Variants in MTCH1 observed in about 807,000 individuals in gnomAD.
MTCH1 encodes the protein mitochondrial carrier homolog 1.
Under a neutral mutation model 49.3 loss-of-function variants are expected in MTCH1, and 23 were observed. That is an observed-to-expected ratio of 0.47 (90% confidence interval 0.34 to 0.66). The LOEUF (loss-of-function observed/expected upper bound fraction) is 0.66. MTCH1 is among the 30% of genes least tolerant of loss of function. The pLI, the probability that MTCH1 is intolerant of heterozygous loss-of-function variation, is 0.01. For missense variants in MTCH1, 397 were observed against 532.1 expected, an observed-to-expected ratio of 0.75 and a Z score of 2.50; for synonymous variants, 229 against 215.2, an observed-to-expected ratio of 1.06 and a Z score of -0.56.
chr6:36,981,580 A>T lies in MTCH1; in HGVS notation c.406+8T>A, dbSNP rs1490844400. On this transcript the variant is annotated splice_region_variant and intron_variant, in intron 2 of 11. Coordinates refer to ENST00000373627, the MANE Select transcript of MTCH1 (RefSeq NM_001271641.2). ...GTGTGGGCTTTCCTGCTTGGGAGGC[A>T]CACTCACCGTAGGTGAAGAAGCTCG... The T allele has an allele frequency of 1.2e-6, 2 of 1,613,380 alleles. No homozygotes were observed. The highest frequency in any genetic ancestry group is 1.7e-5 in the Admixed American group (1 of 59,954).
chr6:36,975,659 C>T lies in MTCH1; in HGVS notation c.760G>A (p.Val254Ile), dbSNP rs183558462. Residue 254 changes from valine to isoleucine, a missense_variant and splice_region_variant, in exon 7 of 12, where the codon GTT becomes ATT. Physicochemically the swap from Val to Ile is conservative, Grantham distance 29. Coordinates refer to ENST00000373627, the MANE Select transcript of MTCH1 (RefSeq NM_001271641.2). ...TATGGGGTGTATAAACTCACGTACA[C>T]GAAGAATCCCAGCAGCCCTTCCTCT... ...FKEEGLLGFF[V>I]GLIPHLLGDV... 1.5e-5 allele frequency: 24 copies of T among 1,614,040 alleles called. No homozygotes were observed. The highest frequency in any genetic ancestry group is 1.1e-5 in the South Asian group (1 of 91,082).
chr6:36,979,283 A>C (rs1583262664), intron 2 of MTCH1, among the ~76,000 whole-genome samples: 1 of 152,320 alleles, frequency 6.6e-6, no homozygotes, highest in East Asian at 1.9e-4. Context: ...ATAAACTTAA[A>C]TGTTATGGAA....
intron 2 of MTCH1, among the ~76,000 whole-genome samples, chr6:36,980,695 TA>T (rs1764054501): frequency 6.6e-6 from 1 of 152,234 alleles, no homozygotes; most frequent in Non-Finnish European, 1.5e-5. Flanking sequence ...GAGAATATTC[TA>T]GACAACCAAA....
At position 36,977,624 on chromosome 6, in the gene MTCH1, G is replaced by A; in HGVS notation, c.649+10C>T. 1 of 1,587,310 alleles carries A rather than the reference G, an allele frequency of 6.3e-7. No individual in the cohort carries two copies. ...TTAGATACAGTCTCGGGGGAAGGGG[G>A]GTGGCTTACCATGCAGGGGGTGGGC... On this transcript the variant is annotated intron_variant, in intron 5 of 11. Transcript: ENST00000373627. The surrounding 1 kb of genome is among the most constrained non-coding windows in gnomAD (Gnocchi z 5.4).
rs117122969 is a variant in MTCH1 at position 36,975,101 on chromosome 6, T to C, written c.761+557A>G. Among the ~76,000 whole-genome samples the C allele has an allele frequency of 5.8e-4, 88 of 152,370 alleles. 2 individuals carry two copies. The East Asian group carries it at 0.013, about 23-fold the overall frequency. ...TGTGCCCTGCCAAAGAAGCAGGTCC[T>C]GGGTCCTGGCCGATGGATGCTCTAC... On this transcript the variant is annotated intron_variant, in intron 7 of 11. Coordinates refer to ENST00000373627, the MANE Select transcript of MTCH1 (RefSeq NM_001271641.2).
At chr6:36,983,239 G>A (rs1428880738) in intron 1 of MTCH1, among the ~76,000 whole-genome samples, 1 of 152,196 alleles carries the variant, frequency 6.6e-6, no homozygotes. Flanking sequence ...CAGGCAGTGA[G>A]TACTTCCCTT....
rs1424567360 is a variant in MTCH1, at chr6:36,982,093, C to T, written c.322-421G>A. 2.6e-5 allele frequency among the ~76,000 whole-genome samples: 4 copies of T among 152,112 alleles called. No individual in the cohort carries two copies. Among genetic ancestry groups the T allele is most frequent in the African/African-American group, 7.2e-5 (3 of 41,412 alleles). ...TTCCAAATGTGGCAATAAGAAAATA[C>T]ATCATACCCAAACCTCAGACAGGTC... On this transcript the variant is annotated intron_variant, in intron 1 of 11. Transcript: ENST00000373627. The surrounding 1 kb of genome is among the most constrained non-coding windows in gnomAD (Gnocchi z 4.1).
chr6:36,969,675 C>T, intron 11 of MTCH1: 2 of 1,202,506 alleles, frequency 1.7e-6, no homozygotes, highest in Non-Finnish European at 2.1e-6. Flanking sequence ...CTCAGCTCAA[C>T]TGGTTACAGA....
intron 2 of MTCH1, among the ~76,000 whole-genome samples, chr6:36,980,386 G>A (rs541833062): frequency 6.6e-6 from 1 of 152,316 alleles, no homozygotes; most frequent in South Asian, 2.1e-4. Flanking sequence ...GTGCAGGGCC[G>A]CAGCCATCTG....
At chr6:36,985,744 C>G in intron 1 of MTCH1, 109 bp downstream of exon 1, 1 of 1,100,548 alleles carries the variant, frequency 9.1e-7, no homozygotes, top group Middle Eastern at 2.1e-4. Context: ...CCGTCCCCAC[C>G]CCTCTCCCCA....
intron 6 of MTCH1, chr6:36,976,672 T>C: frequency 2.2e-6 from 1 of 448,698 alleles, no homozygotes; most frequent in East Asian, 7.0e-5. Flanking sequence ...CCTTCACACA[T>C]GCCTCCAAGA....
intron 1 of MTCH1, among the ~76,000 whole-genome samples, chr6:36,983,261 C>T (rs769602974): frequency 2.6e-5 from 4 of 152,196 alleles, no homozygotes; most frequent in Non-Finnish European, 4.4e-5. Flanking sequence ...TAGACCTTTT[C>T]CCTTCTGGGT....
At chr6:36,969,097 C>T (rs1283420829) in intron 11 of MTCH1, 123 bp from the exon 12 acceptor site, 27 of 1,453,814 alleles carry the variant, frequency 1.9e-5, no homozygotes, top group Admixed American at 2.6e-5. Flanking sequence ...CCGGGGTGGA[C>T]GGCCTCGGCC....
Position 36,978,164 on chromosome 6 carries a change from G to A in MTCH1, c.514-9C>T, listed in dbSNP as rs1428147634. 5 of 1,584,194 alleles carry A rather than the reference G, an allele frequency of 3.2e-6. No homozygotes were observed. The African/African-American group carries it at 6.7e-5, about 21-fold the overall frequency. On this transcript the variant is annotated splice_polypyrimidine_tract_variant and intron_variant, in intron 3 of 11. Transcript: ENST00000373627. ...TCATCTGGAGGGAAAACCTGAAACAGAGAAGGGAAAGAACCAAGTTCAGCT... is the reference window on the plus strand; with the variant it reads ...TCATCTGGAGGGAAAACCTGAAACAAAGAAGGGAAAGAACCAAGTTCAGCT...
intron 1 of MTCH1, among the ~76,000 whole-genome samples, chr6:36,983,374 C>T (rs563469345): frequency 1.3e-5 from 2 of 152,336 alleles, no homozygotes; most frequent in African/African-American, 4.8e-5. Flanking sequence ...GCCACAACTG[C>T]TCTTTTGCTG....
chr6:36,972,606 C>T lies in MTCH1; in HGVS notation c.906+46G>A. ...CCTTGAGTTTGTCCCAGACCCTGGG[C>T]ATCAGCAGCACACGGAAAGAAGGAC... On this transcript the variant is annotated intron_variant, in intron 8 of 11. Coordinates refer to ENST00000373627, the MANE Select transcript of MTCH1 (RefSeq NM_001271641.2). The surrounding 1 kb of genome is among the most constrained non-coding windows in gnomAD (Gnocchi z 4.1). 6.5e-7 allele frequency: 1 copy of T among 1,529,448 alleles called. No homozygotes were observed. The highest frequency in any genetic ancestry group is 8.8e-7 in the Non-Finnish European group (1 of 1,130,430). The allele number at this position is 1,529,448 out of a possible 1,614,324, so 94.7% of individuals were successfully genotyped here.
At chr6:36,969,499 C>T (rs2150743810) in intron 11 of MTCH1, 2 of 1,080,914 alleles carry the variant, frequency 1.9e-6, no homozygotes, top group East Asian at 7.6e-5. Context: ...CCAAGAGCTC[C>T]AGCTACGGAG....
chr6:36,975,633 T>C, intron 7 of MTCH1, 25 bp downstream of exon 7: 1 of 1,612,140 alleles, frequency 6.2e-7, no homozygotes, highest in Non-Finnish European at 8.5e-7. Flanking sequence ...CCGTGGCCAG[T>C]TATGGGGTGT....
Position 36,986,190 on chromosome 6 carries a change from G to T in MTCH1, c.-17C>A, listed in dbSNP as rs2150756216. 7.1e-7 allele frequency: 1 copy of T among 1,416,538 alleles called. No homozygotes were observed. Among genetic ancestry groups the T allele is most frequent in the Non-Finnish European group, 9.1e-7 (1 of 1,094,198 alleles). 87.7% of individuals were successfully genotyped at this position (1,416,538 alleles called of 1,614,324 possible). A position where few individuals can be genotyped will look rare whatever the true frequency, so the allele number is the denominator to read the frequency against. On this transcript the variant is annotated 5_prime_UTR_variant, in exon 1 of 12. Transcript: ENST00000373627. ...AGCTCCCATGGCGCCCGGCGGCGAG[G>T]TCACTCCCCGTCACGTGACGGGGCC... is the stretch of plus-strand genomic sequence containing the variant.
Sources: allele counts gnomAD v4.1 joint callset (sites outside exome capture counted in the v4.1 genomes callset), GRCh38; gene constraint gnomAD v4.1.1; non-coding constraint Gnocchi (gnomAD v3.1); transcripts MANE v1.5; gene names NCBI Gene and HGNC (gene_info 2026-07-23, HGNC 2026-07-21).